ARMC7: variants seen among roughly 807,000 people sequenced by gnomAD.
The protein encoded by ARMC7 is armadillo repeat-containing protein 7.
ARMC7 carries 9 observed loss-of-function variants against 14.8 expected under a neutral mutation model. That is an observed-to-expected ratio of 0.61 (90% confidence interval 0.37 to 1.06). The LOEUF is 1.06. Among genes scored for constraint, ARMC7 ranks in the 50% least tolerant of loss-of-function variants. The pLI is 0.01. For synonymous variants in ARMC7, 125 were observed against 123.4 expected (o/e 1.01, Z -0.09); for missense variants, 262 against 267.1 (o/e 0.98, Z 0.13).
intron 2 of ARMC7, among the ~76,000 whole-genome samples, chr17:75,127,325 T>C (rs779818162): frequency 2.0e-5 from 3 of 152,230 alleles, no homozygotes; most frequent in Admixed American, 6.5e-5. Flanking sequence ...CCGCCTAACA[T>C]TGAGACGTAG....
In ARMC7 at chr17:75,110,175, A is replaced by G; in HGVS notation, c.-114A>G. ...ACCCAGGAAAGAAACCCATTTGCCG[A>G]CCCCCTCTTCCCTCTCCAGACAGGT... On this transcript the variant is annotated 5_prime_UTR_variant, in exon 1 of 3. Coordinates refer to ENST00000245543, the MANE Select transcript of ARMC7 (RefSeq NM_024585.4). 5.0e-6 allele frequency: 5 copies of G among 1,008,304 alleles called. No individual in the cohort carries two copies. Among genetic ancestry groups the G allele is most frequent in the Non-Finnish European group, 7.1e-6 (5 of 706,878 alleles). The allele number at this position is 1,008,304 out of a possible 1,614,324, so 62.5% of individuals were successfully genotyped here. A position where few individuals can be genotyped will look rare whatever the true frequency, so the allele number is the denominator to read the frequency against.
intron 2 of ARMC7, among the ~76,000 whole-genome samples, chr17:75,121,516 CA>C (rs765735648): frequency 1.1e-4 from 17 of 152,172 alleles, no homozygotes; most frequent in Non-Finnish European, 2.5e-4. Context: ...TGGGTTCAAG[CA>C]ATTCTCCCAC....
At position 75,128,730 on chromosome 17, in the gene ARMC7, G is replaced by A. The variant is rs188117376; in HGVS notation, c.289G>A (p.Ala97Thr). 131 of 1,613,614 alleles carry A rather than the reference G, an allele frequency of 8.1e-5. No homozygotes were observed. The Admixed American group carries it at 2.0e-3, about 24-fold the overall frequency. ...DRANKEHILH[A>T]GGVPLIINCL... Reference sequence around the variant, plus strand: ...GGCCAACAAGGAGCACATCCTGCACGCAGGAGGTGTCCCACTCATCATCAA... The same window carrying A: ...GGCCAACAAGGAGCACATCCTGCACACAGGAGGTGTCCCACTCATCATCAA... Residue 97 changes from alanine to threonine, a missense_variant, in exon 3 of 3, where the codon GCA becomes ACA. Coordinates refer to ENST00000245543, the MANE Select transcript of ARMC7 (RefSeq NM_024585.4).
chr17:75,124,594 G>T (rs2074037744), intron 2 of ARMC7, among the ~76,000 whole-genome samples: 1 of 152,240 alleles, frequency 6.6e-6, no homozygotes, highest in African/African-American at 2.4e-5. Context: ...CTGAGCAGAA[G>T]AGTCCGACCA....
At chr17:75,123,077 C>T (rs1181679060) in intron 2 of ARMC7, among the ~76,000 whole-genome samples, 2 of 147,748 alleles carry the variant, frequency 1.4e-5, no homozygotes, top group Non-Finnish European at 3.0e-5. Flanking sequence ...CTCACTCTGT[C>T]GCCCAAGCTG....
rs545569710 is a variant in ARMC7, at chr17:75,128,233, C to G, written c.236-444C>G. Among the ~76,000 whole-genome samples the G allele has an allele frequency of 1.2e-4, 18 of 152,140 alleles. No individual in the cohort carries two copies. The South Asian group carries it at 2.1e-3, about 18-fold the overall frequency. ...GGGATTACAGGCACCTGCCACCACACCCGGCTAATTTTTGTATTTTTAGTA... is the reference window on the plus strand; with the variant it reads ...GGGATTACAGGCACCTGCCACCACAGCCGGCTAATTTTTGTATTTTTAGTA... On this transcript the variant is annotated intron_variant, in intron 2 of 2. Coordinates refer to ENST00000245543, the MANE Select transcript of ARMC7 (RefSeq NM_024585.4).
At chr17:75,121,417 TTTTG>T (rs1431714992) in intron 2 of ARMC7, among the ~76,000 whole-genome samples, 1 of 152,154 alleles carries the variant, frequency 6.6e-6, no homozygotes, top group South Asian at 2.1e-4. Flanking sequence ...ATTGGCCTTT[TTTTG>T]TTTGTTTTTG....
At chr17:75,111,843 T>C (rs1472565633) in intron 2 of ARMC7, among the ~76,000 whole-genome samples, 1 of 151,520 alleles carries the variant, frequency 6.6e-6, no homozygotes, top group Non-Finnish European at 1.5e-5. Flanking sequence ...TTAAGACCTA[T>C]TGAGTTATTC....
At position 75,130,271 on chromosome 17, in the gene ARMC7, C is replaced by A; in HGVS notation, c.*1233C>A. 1 of 584,506 alleles carries A rather than the reference C, an allele frequency of 1.7e-6. No individual in the cohort carries two copies. The highest frequency in any genetic ancestry group is 3.0e-6 in the Non-Finnish European group (1 of 329,544). 36.2% of individuals were successfully genotyped at this position (584,506 alleles called of 1,614,324 possible). ...TATTAAAGGTCCCGACTGGTTTTCC[C>A]ACTGTATTTCCATGCCAGCCAGGGT... On this transcript the variant is annotated 3_prime_UTR_variant, in exon 3 of 3. Coordinates refer to ENST00000245543, the MANE Select transcript of ARMC7 (RefSeq NM_024585.4).
intron 2 of ARMC7, among the ~76,000 whole-genome samples, chr17:75,124,076 G>A (rs1318057204): frequency 2.0e-5 from 3 of 152,194 alleles, no homozygotes; most frequent in Admixed American, 6.5e-5. Flanking sequence ...CCAGGGAGAA[G>A]CTCAAAGCAG....
Position 75,110,355 on chromosome 17 carries a change from G to A in ARMC7, c.67G>A (p.Glu23Lys). The A allele has an allele frequency of 2.5e-6, 4 of 1,614,104 alleles. No individual in the cohort carries two copies. Among genetic ancestry groups the A allele is most frequent in the Non-Finnish European group, 3.4e-6 (4 of 1,180,036 alleles). ...RLGYLQALVT[E>K]FQETQSQDAK... ...GGGATACCTGCAGGCGCTGGTCACG[G>A]AATTCCAGGAGACCCAAAGCCAAGG... Residue 23 changes from glutamate to lysine, a missense_variant, in exon 1 of 3, where the codon GAA becomes AAA. Glu to Lys is a moderately conservative substitution (Grantham distance 56). Transcript: ENST00000245543.
At chr17:75,117,447 C>T (rs907632389) in intron 2 of ARMC7, among the ~76,000 whole-genome samples, 2 of 152,166 alleles carry the variant, frequency 1.3e-5, no homozygotes, top group African/African-American at 4.8e-5. Flanking sequence ...ACCCAAATTC[C>T]CAGATGGCTT....
Position 75,110,395 on chromosome 17 carries a change from G to A in ARMC7, c.91+16G>A. ...CAAAGCCAAGGTGAGAGCCACGGTG[G>A]GATCAGGTGGCAGGGTCCGCTGTGA... On this transcript the variant is annotated intron_variant, in intron 1 of 2. Transcript: ENST00000245543. 1 of 1,614,136 alleles carries A rather than the reference G, an allele frequency of 6.2e-7. No homozygotes were observed. Among genetic ancestry groups the A allele is most frequent in the Non-Finnish European group, 8.5e-7 (1 of 1,179,992 alleles).
At chr17:75,110,695 G>A (rs996160066) in intron 2 of ARMC7, 89 bp downstream of exon 2, 23 of 1,519,492 alleles carry the variant, frequency 1.5e-5, no homozygotes, top group South Asian at 2.4e-5. Context: ...GGGCGTGGTG[G>A]CTCACACCTG....
At chr17:75,114,409 T>G (rs1327956774) in intron 2 of ARMC7, 1 of 395,806 alleles carries the variant, frequency 2.5e-6, no homozygotes, top group Non-Finnish European at 4.5e-6. Flanking sequence ...CACTGAGCTA[T>G]GGGGGCGGCG....
chr17:75,117,417 T>C, intron 2 of ARMC7, among the ~76,000 whole-genome samples: 1 of 152,086 alleles, frequency 6.6e-6, no homozygotes, highest in East Asian at 1.9e-4. Context: ...GCAAGAAGAA[T>C]CCGGCAGCTC....
chr17:75,120,173 A>T (rs1185853851), intron 2 of ARMC7, among the ~76,000 whole-genome samples: 1 of 151,878 alleles, frequency 6.6e-6, no homozygotes, highest in African/African-American at 2.4e-5. Context: ...AAGTGCTGGG[A>T]TTACAGGCAT....
At position 75,128,803 on chromosome 17, in the gene ARMC7, C is replaced by G; in HGVS notation, c.362C>G (p.Thr121Arg). Residue 121 changes from threonine to arginine, a missense_variant, in exon 3 of 3, where the codon ACG becomes AGG. Transcript: ENST00000245543. ...GAGACGGTGCTGTCTGCCATCACCA[C>G]GCTCATGCACCTGAGCCCGCCGGGC... Reference protein sequence around the residue: ...NEETVLSAITTLMHLSPPGRS... With the variant: ...NEETVLSAITRLMHLSPPGRS... 6.2e-7 allele frequency: 1 copy of G among 1,613,292 alleles called. No homozygotes were observed. The highest frequency in any genetic ancestry group is 8.5e-7 in the Non-Finnish European group (1 of 1,180,006).
At chr17:75,123,372 G>C (rs78396465) in intron 2 of ARMC7, among the ~76,000 whole-genome samples, 4 of 104,168 alleles carry the variant, frequency 3.8e-5, no homozygotes, top group African/African-American at 1.7e-4. Context: ...TTTTTTTTTT[G>C]AGACCGAGTT....
Sources: allele counts gnomAD v4.1 joint callset (sites outside exome capture counted in the v4.1 genomes callset), GRCh38; gene constraint gnomAD v4.1.1; transcripts MANE v1.5; gene names NCBI Gene and HGNC (gene_info 2026-07-23, HGNC 2026-07-21).